Variants in IL21R observed in about 807,000 individuals in gnomAD.
The protein encoded by IL21R is interleukin-21 receptor.
A neutral mutation model predicts 41.3 loss-of-function variants in IL21R; 14 were observed. The ratio of observed to expected loss-of-function variants is 0.34; its 90% CI spans 0.22 to 0.53. The LOEUF is 0.53. IL21R is among the 20% of genes least tolerant of loss of function. IL21R has a pLI of 0.94. For synonymous variants in IL21R, 286 were observed against 287.6 expected (o/e 0.99, Z 0.05); for missense variants, 588 against 681.6 (o/e 0.86, Z 1.53).
intron 1 of IL21R, among the ~76,000 whole-genome samples, chr16:27,418,055 ATT>A (rs59622289): frequency 7.5e-6 from 1 of 134,192 alleles, no homozygotes; most frequent in African/African-American, 2.8e-5. Flanking sequence ...ATTTTATTTT[ATT>A]TTATTTTATT....
At chr16:27,421,560 TAA>T (rs2087002242) in intron 1 of IL21R, among the ~76,000 whole-genome samples, 1 of 152,238 alleles carries the variant, frequency 6.6e-6, no homozygotes, top group South Asian at 2.1e-4. Flanking sequence ...CATATTAACA[TAA>T]CTAATGAATT....
At chr16:27,426,513 T>C (rs1457029663) in intron 1 of IL21R, among the ~76,000 whole-genome samples, 1 of 152,122 alleles carries the variant, frequency 6.6e-6, no homozygotes, top group African/African-American at 2.4e-5. Context: ...GGGAAAGGTG[T>C]TGGAGGGCAG....
In IL21R at chr16:27,451,493, G is replaced by A. The variant is rs1181822081; in HGVS notation, c.*2210G>A. 1.4e-5 allele frequency: 3 copies of A among 212,624 alleles called. No homozygotes were observed. The highest frequency in any genetic ancestry group is 6.8e-5 in the African/African-American group (3 of 44,140). 13.2% of individuals were successfully genotyped at this position (212,624 alleles called of 1,614,324 possible). On this transcript the variant is annotated 3_prime_UTR_variant, in exon 9 of 9. Coordinates refer to ENST00000337929, the MANE Select transcript of IL21R (RefSeq NM_181078.3). The stretch of plus-strand genomic sequence containing the variant: ...GGAGGCCAAGGAAGGTGGATCACTT[G>A]AGGCCAGGAGTTCGAGACCAGCCTG...
chr16:27,442,759 C>T (rs1037565488), intron 4 of IL21R: 3 of 473,572 alleles, frequency 6.3e-6, no homozygotes, highest in Non-Finnish European at 1.1e-5. Context: ...CTAAATCTCC[C>T]AGGTCCCAGA....
At chr16:27,425,838 G>C (rs1362112176) in intron 1 of IL21R, among the ~76,000 whole-genome samples, 1 of 152,166 alleles carries the variant, frequency 6.6e-6, no homozygotes, top group Non-Finnish European at 1.5e-5. Flanking sequence ...TTACAGGCAT[G>C]ACCCAGTGTG....
In IL21R at chr16:27,449,852, T is replaced by A. The variant is rs2087559283; in HGVS notation, c.*569T>A. On this transcript the variant is annotated 3_prime_UTR_variant, in exon 9 of 9. Transcript: ENST00000337929. The stretch of plus-strand genomic sequence containing the variant: ...GGGATGGAGTGAGCCCATGGTGACC[T>A]CGGGAATGGCAATTTTTTGGGCGGC... 2 of 233,400 alleles carry A rather than the reference T, an allele frequency of 8.6e-6. No individual in the cohort carries two copies. Among genetic ancestry groups the A allele is most frequent in the Non-Finnish European group, 1.7e-5 (2 of 118,184 alleles). 14.5% of individuals were successfully genotyped at this position (233,400 alleles called of 1,614,324 possible).
At chr16:27,413,495 T>G (rs914258621) in intron 1 of IL21R, among the ~76,000 whole-genome samples, 1 of 152,082 alleles carries the variant, frequency 6.6e-6, no homozygotes, top group Non-Finnish European at 1.5e-5. Flanking sequence ...ACTGTTCAAT[T>G]TTTGGAAGTG....
intron 1 of IL21R, among the ~76,000 whole-genome samples, chr16:27,410,435 G>A (rs1265857967): frequency 6.6e-6 from 1 of 151,758 alleles, no homozygotes; most frequent in African/African-American, 2.4e-5. Flanking sequence ...TTTCTTGACT[G>A]TTTGTAGTGT....
rs753126865 is a variant in IL21R at position 27,450,788 on chromosome 16, G to C, written c.*1505G>C. The C allele has an allele frequency of 4.4e-6, 1 of 228,626 alleles. No individual in the cohort carries two copies. Among genetic ancestry groups the C allele is most frequent in the African/African-American group, 2.2e-5 (1 of 45,042 alleles). The allele number at this position is 228,626 out of a possible 1,614,324, so 14.2% of individuals were successfully genotyped here. On this transcript the variant is annotated 3_prime_UTR_variant, in exon 9 of 9. Coordinates refer to ENST00000337929, the MANE Select transcript of IL21R (RefSeq NM_181078.3). ...AGTAGAGCTGGGGCCACCCTGGCCCGGCCCCGTCTTCCTCCCCAAAGGTCA... is the reference window on the plus strand; with the variant it reads ...AGTAGAGCTGGGGCCACCCTGGCCCCGCCCCGTCTTCCTCCCCAAAGGTCA...
intron 1 of IL21R, among the ~76,000 whole-genome samples, chr16:27,405,671 G>T (rs2086731725): frequency 6.6e-6 from 1 of 152,230 alleles, no homozygotes; most frequent in African/African-American, 2.4e-5. Context: ...GAAGGGGAGG[G>T]AGAGGGGGCA....
At chr16:27,444,090 T>C (rs1175165265) in intron 5 of IL21R, 1 of 152,050 alleles carries the variant, frequency 6.6e-6, no homozygotes, top group Non-Finnish European at 1.5e-5. Context: ...CTGTTGGGAA[T>C]GTCAGTATGT....
At chr16:27,424,655 C>G (rs1350605338) in intron 1 of IL21R, among the ~76,000 whole-genome samples, 2 of 152,142 alleles carry the variant, frequency 1.3e-5, no homozygotes, top group Non-Finnish European at 2.9e-5. Context: ...AGAGAACTTG[C>G]CCAAAGACGC....
Position 27,450,348 on chromosome 16 carries a change from C to G in IL21R, c.*1065C>G, listed in dbSNP as rs1036075026. The G allele has an allele frequency of 8.6e-6, 2 of 231,742 alleles. No individual in the cohort carries two copies. The highest frequency in any genetic ancestry group is 1.1e-4 in the Admixed American group (2 of 17,738). The allele number at this position is 231,742 out of a possible 1,614,324, so 14.4% of individuals were successfully genotyped here. On this transcript the variant is annotated 3_prime_UTR_variant, in exon 9 of 9. Coordinates refer to ENST00000337929, the MANE Select transcript of IL21R (RefSeq NM_181078.3). ...AGGCCATGGCTCATGGGACCCACCC[C>G]CCGTGGCACTCATGGAGGGGGCTGC...
chr16:27,434,045 C>T (rs190745480), intron 2 of IL21R, among the ~76,000 whole-genome samples: 19 of 152,214 alleles, frequency 1.2e-4, no homozygotes, highest in Non-Finnish European at 2.6e-4. Context: ...ACCTGGTGGC[C>T]GGGCGCAGGG....
At chr16:27,439,906 C>T (rs1012873357) in intron 4 of IL21R, among the ~76,000 whole-genome samples, 2 of 152,128 alleles carry the variant, frequency 1.3e-5, no homozygotes, top group African/African-American at 2.4e-5. Context: ...AAACATCTCC[C>T]GAGTACCCAC....
intron 1 of IL21R, among the ~76,000 whole-genome samples, chr16:27,415,719 C>T (rs1409774370): frequency 6.6e-6 from 1 of 152,176 alleles, no homozygotes; most frequent in Non-Finnish European, 1.5e-5. Context: ...CTGTTTGGCT[C>T]CTTCTGACTT....
intron 1 of IL21R, among the ~76,000 whole-genome samples, chr16:27,411,970 G>T (rs536336942): frequency 6.6e-6 from 1 of 152,152 alleles, no homozygotes; most frequent in South Asian, 2.1e-4. Context: ...TTTTACTTTT[G>T]TTGCCTGTGC....
In IL21R at chr16:27,442,979, T is replaced by C; in HGVS notation, c.370T>C (p.Phe124Leu). The C allele has an allele frequency of 6.3e-7, 1 of 1,592,132 alleles. No homozygotes were observed. The highest frequency in any genetic ancestry group is 1.3e-5 in the African/African-American group (1 of 74,084). ...CCACCAAGTCAAGCCGGCTCCCCCT[T>C]TCAACGTGACTGTGACCTTCTCAGG... ...LAESIKPAPP[F>L]NVTVTFSGQY... Residue 124 changes from phenylalanine to leucine, a missense_variant, in exon 5 of 9, where the codon TTC becomes CTC. Coordinates refer to ENST00000337929, the MANE Select transcript of IL21R (RefSeq NM_181078.3).
chr16:27,427,366 G>A, intron 1 of IL21R: 1 of 971,868 alleles, frequency 1.0e-6, no homozygotes, highest in East Asian at 1.1e-4. Flanking sequence ...GCAGAGGTAA[G>A]AAATTAGGAG....
Sources: allele counts gnomAD v4.1 joint callset (sites outside exome capture counted in the v4.1 genomes callset), GRCh38; gene constraint gnomAD v4.1.1; transcripts MANE v1.5; gene names NCBI Gene and HGNC (gene_info 2026-07-23, HGNC 2026-07-21).